The following SPAG16 variants were observed in gnomAD, a reference collection of about 807,000 sequenced individuals.
The protein encoded by SPAG16 is sperm-associated antigen 16 protein.
A neutral mutation model predicts 80.4 loss-of-function variants in SPAG16; 86 were observed. The observed-to-expected ratio is 1.07, with a 90% CI of 0.90 to 1.28. The LOEUF (loss-of-function observed/expected upper bound fraction) is 1.28, where lower values mean the gene tolerates loss of function less well. SPAG16 is among the 50% of genes most tolerant of loss of function. The pLI is 0.00. For synonymous variants in SPAG16, 294 were observed against 265.9 expected (o/e 1.11, Z -1.03); for missense variants, 870 against 765.3 (o/e 1.14, Z -1.61).
At chr2:213,961,585 GTT>G (rs34367751) in intron 12 of SPAG16, among the ~76,000 whole-genome samples, 2 of 137,328 alleles carry the variant, frequency 1.5e-5, no homozygotes, top group Non-Finnish European at 1.6e-5. Context: ...TCTAACCCTA[GTT>G]TTTTTTTTTT....
At chr2:213,324,258 TTATTA>T (rs1003748159) in intron 5 of SPAG16, among the ~76,000 whole-genome samples, 6 of 16,892 alleles carry the variant, frequency 3.6e-4, no homozygotes, top group Admixed American at 9.6e-4. Context: ...GTACCTCAAG[TTATTA>T]TAATATATAA....
chr2:214,076,283 C>A (rs1386014882), intron 13 of SPAG16, among the ~76,000 whole-genome samples: 1 of 152,096 alleles, frequency 6.6e-6, no homozygotes, highest in Non-Finnish European at 1.5e-5. Context: ...AACACCTGAT[C>A]TTGAAGAATT....
At chr2:213,522,966 T>C (rs1311031534) in intron 10 of SPAG16, among the ~76,000 whole-genome samples, 2 of 152,094 alleles carry the variant, frequency 1.3e-5, no homozygotes, top group African/African-American at 2.4e-5. Context: ...TAATTATTGT[T>C]AATTTAATAA....
rs532713727 is a variant in SPAG16, at chr2:213,759,787, T to C, written c.1071-102698T>C. Among the ~76,000 whole-genome samples, 615 of 152,212 alleles carry C rather than the reference T, an allele frequency of 4.0e-3. 6 individuals are homozygous for C. The highest frequency in any genetic ancestry group is 0.014 in the African/African-American group (597 of 41,552). ...CGCAGTGGCTCACACCTGCAATCCC[T>C]GCGCTTTGGGAGGCCGAGGTGGGTG... On this transcript the variant is annotated intron_variant, in intron 10 of 15. Coordinates refer to ENST00000331683, the MANE Select transcript of SPAG16 (RefSeq NM_024532.5).
chr2:214,044,010 T>A (rs1256762749), intron 13 of SPAG16, among the ~76,000 whole-genome samples: 1 of 152,112 alleles, frequency 6.6e-6, no homozygotes, highest in Non-Finnish European at 1.5e-5. Context: ...TGTTCTTTAG[T>A]CTCTAATTTT....
intron 15 of SPAG16, among the ~76,000 whole-genome samples, chr2:214,198,187 C>T (rs1368146319): frequency 6.6e-6 from 1 of 151,836 alleles, no homozygotes; most frequent in African/African-American, 2.4e-5. Flanking sequence ...TTTTGGTGCA[C>T]CGTCACCTGA....
At chr2:213,524,475 C>A (rs1487967225) in intron 10 of SPAG16, among the ~76,000 whole-genome samples, 1 of 152,130 alleles carries the variant, frequency 6.6e-6, no homozygotes, top group Non-Finnish European at 1.5e-5. Context: ...TGACAGTTTT[C>A]CCTGTGTGCC....
At chr2:213,365,163 A>G (rs146703852) in intron 8 of SPAG16, 5 of 152,198 alleles carry the variant, frequency 3.3e-5, no homozygotes, top group African/African-American at 1.2e-4. Flanking sequence ...GAGTCTTTAC[A>G]ATCTTTTACC....
At chr2:214,247,951 C>T (rs1689968444) in intron 15 of SPAG16, among the ~76,000 whole-genome samples, 2 of 151,872 alleles carry the variant, frequency 1.3e-5, no homozygotes, top group South Asian at 4.2e-4. Context: ...TGGCTTGAGT[C>T]TAGGAGGTTG....
At chr2:213,834,224 G>A (rs972343525) in intron 10 of SPAG16, among the ~76,000 whole-genome samples, 2 of 152,084 alleles carry the variant, frequency 1.3e-5, no homozygotes, top group Non-Finnish European at 2.9e-5. Flanking sequence ...CCATTCTCAG[G>A]TATGTCCTTA....
At chr2:213,586,749 G>A (rs2060488446) in intron 10 of SPAG16, among the ~76,000 whole-genome samples, 1 of 152,210 alleles carries the variant, frequency 6.6e-6, no homozygotes, top group Non-Finnish European at 1.5e-5. Context: ...GACCTGTTGT[G>A]TGTTTACAAA....
intron 10 of SPAG16, among the ~76,000 whole-genome samples, chr2:213,766,156 T>C (rs910618091): frequency 6.6e-6 from 1 of 152,228 alleles, no homozygotes; most frequent in Non-Finnish European, 1.5e-5. Context: ...ATGCCATGTA[T>C]TGTATGATTC....
At chr2:214,150,293 G>A (rs1455080510) in intron 15 of SPAG16, among the ~76,000 whole-genome samples, 1 of 151,998 alleles carries the variant, frequency 6.6e-6, no homozygotes, top group Non-Finnish European at 1.5e-5. Flanking sequence ...AAAATGGTAA[G>A]TTTGTCTTCT....
At chr2:213,874,171 A>T (rs1049482971) in intron 11 of SPAG16, among the ~76,000 whole-genome samples, 3 of 152,128 alleles carry the variant, frequency 2.0e-5, no homozygotes, top group African/African-American at 7.2e-5. Flanking sequence ...GTGAATGAGA[A>T]GGCCTAGGAC....
intron 10 of SPAG16, among the ~76,000 whole-genome samples, chr2:213,641,118 A>T (rs2062572952): frequency 6.6e-6 from 1 of 152,092 alleles, no homozygotes; most frequent in South Asian, 2.1e-4. Flanking sequence ...TGCTGCAACC[A>T]CTGTGGGGAA....
chr2:213,736,973 T>A (rs2067310679), intron 10 of SPAG16, among the ~76,000 whole-genome samples: 1 of 152,228 alleles, frequency 6.6e-6, no homozygotes. Context: ...CCCAAAGTGA[T>A]GGGATTACAG....
intron 1 of SPAG16, among the ~76,000 whole-genome samples, chr2:213,291,988 C>T (rs2062293100): frequency 6.6e-6 from 1 of 152,146 alleles, no homozygotes. Context: ...GAAAGTAATA[C>T]ATTTAGGTGA....
intron 15 of SPAG16, among the ~76,000 whole-genome samples, chr2:214,357,126 A>G (rs1698865481): frequency 2.0e-5 from 3 of 151,810 alleles, no homozygotes; most frequent in Admixed American, 2.0e-4. Context: ...CACCCCTTGA[A>G]TGGTCCCTGT....
intron 10 of SPAG16, among the ~76,000 whole-genome samples, chr2:213,618,378 T>C (rs2061666652): frequency 1.3e-5 from 2 of 152,186 alleles, no homozygotes; most frequent in African/African-American, 2.4e-5. Flanking sequence ...TAGCAGTCAT[T>C]ATCTGATTAA....
Sources: gnomAD v4.1 joint callset for allele counts (sites outside exome capture counted in the v4.1 genomes callset) on GRCh38, gnomAD v4.1.1 for gene constraint, MANE v1.5 for transcripts, NCBI Gene and HGNC (gene_info 2026-07-23, HGNC 2026-07-21) for gene names.